The following ABCA1 variants were observed in gnomAD, a reference collection of about 807,000 sequenced individuals.
ABCA1 encodes the protein phospholipid-transporting ATPase ABCA1.
A neutral mutation model predicts 262.5 loss-of-function variants in ABCA1; 133 were observed. The observed-to-expected ratio is 0.51, with a 90% CI of 0.44 to 0.59. The LOEUF is 0.59. ABCA1 is among the 20% of genes least tolerant of loss of function. The pLI, the probability that ABCA1 is intolerant of heterozygous loss-of-function variation, is 0.00. For synonymous variants in ABCA1, 1,022 were observed against 1,043.5 expected, an observed-to-expected ratio of 0.98 and a Z score of 0.40; for missense variants, 2,452 against 2,777.5, an observed-to-expected ratio of 0.88 and a Z score of 2.63.
intron 33 of ABCA1, among the ~76,000 whole-genome samples, chr9:104,802,910 A>T (rs1011901571): frequency 6.6e-6 from 1 of 152,138 alleles, no homozygotes; most frequent in South Asian, 2.1e-4. Flanking sequence ...AAGCCTCGGG[A>T]ATCTGGTTTG....
At chr9:104,908,350 G>A (rs984503220) in intron 1 of ABCA1, among the ~76,000 whole-genome samples, 23 of 152,236 alleles carry the variant, frequency 1.5e-4, no homozygotes, top group Middle Eastern at 3.4e-3. Context: ...ATTAGTTGTC[G>A]AAAAGACCAT....
At chr9:104,793,811 CA>C (rs1286678084) in intron 40 of ABCA1, among the ~76,000 whole-genome samples, 1 of 151,974 alleles carries the variant, frequency 6.6e-6, no homozygotes, top group East Asian at 1.9e-4. Context: ...GCCCAAGTTG[CA>C]AAAAGCCCCT....
Position 104,928,054 on chromosome 9 carries a change from G to A in ABCA1, c.-212C>T, listed in dbSNP as rs1826492809. The A allele has an allele frequency of 6.6e-6, 1 of 152,298 alleles. No homozygotes were observed. Among genetic ancestry groups the A allele is most frequent in the African/African-American group, 2.4e-5 (1 of 41,478 alleles). 9.4% of individuals were successfully genotyped at this position (152,298 alleles called of 1,614,324 possible). A position where few individuals can be genotyped will look rare whatever the true frequency, so the allele number is the denominator to read the frequency against. ...GCAAAGCGCCCTGAGAACCGGCTCTGTTGGTGCGCGGAGCTCCCCGCCCTG... is the reference window on the plus strand; with the variant it reads ...GCAAAGCGCCCTGAGAACCGGCTCTATTGGTGCGCGGAGCTCCCCGCCCTG... On this transcript the variant is annotated 5_prime_UTR_variant, in exon 1 of 50. Transcript: ENST00000374736.
intron 1 of ABCA1, among the ~76,000 whole-genome samples, chr9:104,910,755 A>G (rs968833791): frequency 1.3e-5 from 2 of 152,134 alleles, no homozygotes; most frequent in African/African-American, 4.8e-5. Context: ...CCCAGGTTGG[A>G]GTGCAGTGGT....
In ABCA1 at chr9:104,784,466, A is replaced by G; in HGVS notation, c.6646-11T>C. On this transcript the variant is annotated splice_polypyrimidine_tract_variant and intron_variant, in intron 49 of 49. Transcript: ENST00000374736. The stretch of plus-strand genomic sequence containing the variant: ...AAAGTTCACAAATACCTGTTAAAAG[A>G]TTAAGATGGACCTTTATAAATACCA... 6.2e-7 allele frequency: 1 copy of G among 1,614,018 alleles called. No homozygotes were observed.
intron 5 of ABCA1, among the ~76,000 whole-genome samples, chr9:104,871,342 G>T (rs1929842): frequency 6.6e-6 from 1 of 152,112 alleles, no homozygotes; most frequent in South Asian, 2.1e-4. Flanking sequence ...TCTAGCAGCA[G>T]AAACAGAATA....
chr9:104,787,455 G>C (rs1429729121), intron 46 of ABCA1, among the ~76,000 whole-genome samples: 1 of 152,016 alleles, frequency 6.6e-6, no homozygotes, highest in Non-Finnish European at 1.5e-5. Flanking sequence ...AAGCCTCAAA[G>C]GCTTCTTCCC....
rs948911784 is a variant in ABCA1, at chr9:104,796,849, T to C, written c.5122-425A>G. The stretch of plus-strand genomic sequence containing the variant: ...AATCTATTTATGAGGTAACTGCTCA[T>C]AACATGAATGTCAGAATTGTTTCAT... On this transcript the variant is annotated intron_variant, in intron 37 of 49. Coordinates refer to ENST00000374736, the MANE Select transcript of ABCA1 (RefSeq NM_005502.4). Among the ~76,000 whole-genome samples the C allele has an allele frequency of 2.0e-5, 3 of 152,240 alleles. No individual in the cohort carries two copies. In the South Asian group the frequency reaches 6.2e-4, roughly 31 times the overall value.
chr9:104,923,939 G>A (rs763075087), intron 1 of ABCA1, among the ~76,000 whole-genome samples: 115 of 152,172 alleles, frequency 7.6e-4, no homozygotes, highest in Non-Finnish European at 1.3e-3. Flanking sequence ...CTCCTTAAGA[G>A]GCTGATGTAT....
Position 104,889,361 on chromosome 9 carries a change from C to T in ABCA1, c.67-166G>A, listed in dbSNP as rs189461410. 854 of 985,090 alleles carry T rather than the reference C, an allele frequency of 8.7e-4. 1 individual carries two copies. The highest frequency in any genetic ancestry group is 9.5e-4 in the Non-Finnish European group (792 of 829,618). 61.0% of individuals were successfully genotyped at this position (985,090 alleles called of 1,614,324 possible). ...TAACAGAACTGTTTGGAGTCCCAAC[C>T]TTTTAACATACCATTCCATATACCT... On this transcript the variant is annotated intron_variant, in intron 2 of 49. Coordinates refer to ENST00000374736, the MANE Select transcript of ABCA1 (RefSeq NM_005502.4).
rs537691657 is a variant in ABCA1 at position 104,840,749 on chromosome 9, T to C, written c.814-230A>G. On this transcript the variant is annotated intron_variant, in intron 8 of 49. Transcript: ENST00000374736. ...AGCAGCATCAGCATTACTGGAGACA[T>C]TGTTGGAAATGCGGATTCTGAGACC... Among the ~76,000 whole-genome samples, 10 of 152,234 alleles carry C rather than the reference T, an allele frequency of 6.6e-5. No individual in the cohort carries two copies. The South Asian group carries it at 8.3e-4, about 13-fold the overall frequency.
intron 1 of ABCA1, among the ~76,000 whole-genome samples, chr9:104,919,241 T>C (rs773181459): frequency 2.0e-5 from 3 of 152,174 alleles, no homozygotes; most frequent in Non-Finnish European, 4.4e-5. Context: ...ATGCTATTCT[T>C]GAAGGATGAA....
rs1828839955 is a variant in ABCA1, at chr9:104,785,451, C to T, written c.6590G>A (p.Ser2197Asn). Residue 2197 changes from serine to asparagine, a missense_variant, in exon 49 of 50, where the codon AGC (serine) becomes AAC (asparagine). Physicochemically the swap from Ser to Asn is conservative, Grantham distance 46. This residue lies in a region of ABCA1 where 752 missense variants were observed against 944.5 expected (regional missense o/e 0.80). Coordinates refer to ENST00000374736, the MANE Select transcript of ABCA1 (RefSeq NM_005502.4). ...LARIFSILSQ[S>N]KKRLHIEDYS... The stretch of plus-strand genomic sequence containing the variant: ...GTCTTCTATGTGGAGTCGCTTTTTG[C>T]TCTGGGAGAGGATGCTGAATATCCT... 6.6e-7 allele frequency: 1 copy of T among 1,514,310 alleles called. No individual in the cohort carries two copies. The highest frequency in any genetic ancestry group is 9.0e-7 in the Non-Finnish European group (1 of 1,106,520). The allele number at this position is 1,514,310 out of a possible 1,614,324, so 93.8% of individuals were successfully genotyped here. A position where few individuals can be genotyped will look rare whatever the true frequency, so the allele number is the denominator to read the frequency against.
In ABCA1 at chr9:104,814,573, C is replaced by T. The variant is rs9282549; in HGVS notation, c.3739-98G>A. 55 of 1,214,422 alleles carry T rather than the reference C, an allele frequency of 4.5e-5. No homozygotes were observed. In the African/African-American group the frequency reaches 4.6e-4, roughly 10 times the overall value. 75.2% of individuals were successfully genotyped at this position (1,214,422 alleles called of 1,614,324 possible). A position where few individuals can be genotyped will look rare whatever the true frequency, so the allele number is the denominator to read the frequency against. ...ATATTACTGAGTGGCATGTTAGCCCCGTAAGACAGAGAAAGTAGAAGCCAC... is the reference window on the plus strand; with the variant it reads ...ATATTACTGAGTGGCATGTTAGCCCTGTAAGACAGAGAAAGTAGAAGCCAC... On this transcript the variant is annotated intron_variant, in intron 25 of 49. Transcript: ENST00000374736.
intron 2 of ABCA1, among the ~76,000 whole-genome samples, chr9:104,898,499 A>T (rs2099544): frequency 0.47 from 70,995 of 151,442 alleles, 18,474 homozygotes; most frequent in African/African-American, 0.7. Context: ...GTGAGCCGAG[A>T]TTGCTCCACT....
rs567914345 is a variant in ABCA1 at position 104,916,364 on chromosome 9, G to C, written c.-93+11571C>G. Reference sequence around the variant, plus strand: ...CTTACAAAGAACAATTTTTAGTTGAGAGAAACAAAAAATTCCAGTTGAAAG... The same window carrying C: ...CTTACAAAGAACAATTTTTAGTTGACAGAAACAAAAAATTCCAGTTGAAAG... On this transcript the variant is annotated intron_variant, in intron 1 of 49. Coordinates refer to ENST00000374736, the MANE Select transcript of ABCA1 (RefSeq NM_005502.4). Among the ~76,000 whole-genome samples the C allele has an allele frequency of 2.0e-5, 3 of 152,244 alleles. No homozygotes were observed. The East Asian group carries it at 5.8e-4, about 29-fold the overall frequency.
chr9:104,862,641 G>GCCCCCCCCCCCC (rs1564197815), intron 5 of ABCA1, among the ~76,000 whole-genome samples: 3 of 2,018 alleles, frequency 1.5e-3, no homozygotes, highest in African/African-American at 4.4e-3. Flanking sequence ...TGCCGGGCCG[G>GCCCCCCCCCCCC]GCCGGGCCGG....
At position 104,903,633 on chromosome 9, in the gene ABCA1, G is replaced by C. The variant is rs1466089023; in HGVS notation, c.47C>G (p.Thr16Ser). 6.3e-7 allele frequency: 1 copy of C among 1,589,910 alleles called. No homozygotes were observed. Among genetic ancestry groups the C allele is most frequent in the Admixed American group, 1.8e-5 (1 of 56,268 alleles). The change falls in exon 2 of 50, where the codon ACT (threonine) becomes AGT (serine). Residue 16 changes from threonine to serine, a missense_variant. Thr to Ser is a moderately conservative substitution (Grantham distance 58). Transcript: ENST00000374736. ...QLRLLLWKNL[T>S]FRRRQTCQLL... ...GCTTACTGTTTGTCTTCTTCTGAAAGTGAGGTTCTTCCACAGCAGCAACCT... is the reference window on the plus strand; with the variant it reads ...GCTTACTGTTTGTCTTCTTCTGAAACTGAGGTTCTTCCACAGCAGCAACCT...
In ABCA1 at chr9:104,829,101, T is replaced by G. The variant is rs747060874; in HGVS notation, c.1930A>C (p.Met644Leu). ...ACTGAGTAAATCCAGGCCAGCGTCA[T>G]GAAGAGGGGCATTGACCGGCTCATC... ...RVMSRSMPLF[M>L]TLAWIYSVAV... Residue 644 changes from methionine (M) to leucine (L), a missense_variant, in exon 15 of 50, where the codon ATG becomes CTG. Met to Leu is a conservative substitution (Grantham distance 15). Transcript: ENST00000374736. 1.9e-6 allele frequency: 3 copies of G among 1,614,008 alleles called. No individual in the cohort carries two copies. Among genetic ancestry groups the G allele is most frequent in the Admixed American group, 3.3e-5 (2 of 59,994 alleles).
Sources: gnomAD v4.1 joint callset for allele counts (sites outside exome capture counted in the v4.1 genomes callset) on GRCh38, gnomAD v4.1.1 for gene constraint, gnomAD v4.1.1 regional missense constraint, MANE v1.5 for transcripts, NCBI Gene and HGNC (gene_info 2026-07-23, HGNC 2026-07-21) for gene names.